The following EPM2A variants were observed in gnomAD, a reference collection of about 807,000 sequenced individuals.
EPM2A encodes laforin.
A neutral mutation model predicts 26.5 loss-of-function variants in EPM2A; 21 were observed. The ratio of observed to expected loss-of-function variants is 0.79; its 90% confidence interval spans 0.56 to 1.14. The LOEUF is 1.14. EPM2A is among the 50% of genes most tolerant of loss of function. The pLI is 0.00. For missense variants in EPM2A, 458 were observed against 440.8 expected (o/e 1.04, Z -0.35); for synonymous variants, 217 against 177.6 (o/e 1.22, Z -1.76).
intron 2 of EPM2A, among the ~76,000 whole-genome samples, chr6:145,659,730 T>C (rs879682067): frequency 6.6e-6 from 1 of 152,202 alleles, no homozygotes; most frequent in East Asian, 1.9e-4. Flanking sequence ...GGTTTATCCA[T>C]GCATAGTGAA....
chr6:145,627,522 A>G lies in EPM2A; in HGVS notation c.890T>C (p.Met297Thr). The G allele has an allele frequency of 6.2e-7, 1 of 1,614,270 alleles. No homozygotes were observed. The highest frequency in any genetic ancestry group is 8.5e-7 in the Non-Finnish European group (1 of 1,180,044). ...AATGTAGACAGCCGGCCTCTTGGCC[A>G]TGAGGAAATACTGCACCTTCCTCAG... ...WNLRKVQYFLMAKRPAVYIDE... is the reference protein window; with the variant it reads ...WNLRKVQYFLTAKRPAVYIDE... Residue 297 changes from methionine (M) to threonine (T), a missense_variant, in exon 4 of 4, where the codon ATG becomes ACG. Coordinates refer to ENST00000367519, the MANE Select transcript of EPM2A (RefSeq NM_005670.4).
intron 4 of EPM2A, among the ~76,000 whole-genome samples, chr6:145,411,527 A>G (rs2114675420): frequency 6.6e-6 from 1 of 152,256 alleles, no homozygotes; most frequent in East Asian, 1.9e-4. Context: ...CATGAAATCA[A>G]TTAAGTTCAG....
intron 4 of EPM2A, among the ~76,000 whole-genome samples, chr6:145,426,583 A>C (rs1252192870): frequency 6.6e-6 from 1 of 152,232 alleles, no homozygotes; most frequent in East Asian, 1.9e-4. Context: ...AATCATGAGG[A>C]AGAGAAATAT....
chr6:145,391,076 G>A (rs1778331123), intron 4 of EPM2A, among the ~76,000 whole-genome samples: 1 of 152,124 alleles, frequency 6.6e-6, no homozygotes, highest in Non-Finnish European at 1.5e-5. Flanking sequence ...CCAGTGGACT[G>A]AACAGATCCT....
At chr6:145,556,630 C>T (rs1780731311) in intron 2 of EPM2A, among the ~76,000 whole-genome samples, 1 of 151,976 alleles carries the variant, frequency 6.6e-6, no homozygotes, top group Non-Finnish European at 1.5e-5. Context: ...GCATTAAGCT[C>T]TATGAAGGAT....
Position 145,712,939 on chromosome 6 carries a change from T to C in EPM2A, c.301+22259A>G, listed in dbSNP as rs563871616. On this transcript the variant is annotated intron_variant, in intron 1 of 3. Transcript: ENST00000367519. Reference sequence around the variant, plus strand: ...TTAATAATGTAAAAACAAGACTGCATTGACATGGTTTAATTTCTAAAACTG... The same window carrying C: ...TTAATAATGTAAAAACAAGACTGCACTGACATGGTTTAATTTCTAAAACTG... Among the ~76,000 whole-genome samples, 9 of 152,326 alleles carry C rather than the reference T, an allele frequency of 5.9e-5. No homozygotes were observed. In the South Asian group the frequency reaches 1.4e-3, roughly 25 times the overall value.
At chr6:145,562,127 G>GTAAAAAAAA (rs755571602) in intron 2 of EPM2A, among the ~76,000 whole-genome samples, 1 of 140,262 alleles carries the variant, frequency 7.1e-6, no homozygotes. Flanking sequence ...ATTACAAAAA[G>GTAAAAAAAA]GAAAAAAAAA....
At chr6:145,422,902 C>T (rs1778807915) in intron 4 of EPM2A, among the ~76,000 whole-genome samples, 1 of 151,892 alleles carries the variant, frequency 6.6e-6, no homozygotes, top group Non-Finnish European at 1.5e-5. Context: ...TTTTTCTAAG[C>T]CATGACTCAC....
chr6:145,675,363 A>G (rs1311445781), intron 2 of EPM2A, among the ~76,000 whole-genome samples: 1 of 152,246 alleles, frequency 6.6e-6, no homozygotes, highest in Non-Finnish European at 1.5e-5. Flanking sequence ...GATGCTATGA[A>G]GAAACTGCAT....
chr6:145,717,583 C>T (rs1225610873), intron 1 of EPM2A, among the ~76,000 whole-genome samples: 4 of 152,192 alleles, frequency 2.6e-5, no homozygotes, highest in Admixed American at 1.3e-4. Flanking sequence ...TCTCTCACCG[C>T]TCCTATTCAA....
intron 3 of EPM2A, 47 bp downstream of exon 3, chr6:145,635,198 G>A (rs1238691324): frequency 1.2e-6 from 2 of 1,609,954 alleles, no homozygotes; most frequent in East Asian, 4.5e-5. Context: ...AGACAGCAAG[G>A]GTTTCTCTGA....
chr6:145,437,815 GT>G (rs2114697561), intron 4 of EPM2A, among the ~76,000 whole-genome samples: 1 of 152,276 alleles, frequency 6.6e-6, no homozygotes, highest in Admixed American at 6.5e-5. Flanking sequence ...GTTCAATTCA[GT>G]CCAGATCTTG....
rs1779146990 is a variant in EPM2A at position 145,447,946 on chromosome 6, A to T, written c.555+54576T>A. Among the ~76,000 whole-genome samples, 7 of 152,234 alleles carry T rather than the reference A, an allele frequency of 4.6e-5. No homozygotes were observed. In the South Asian group the frequency reaches 1.5e-3, roughly 32 times the overall value. ...TATTGTTTTTAAAAATTCTCAAAAG[A>T]CATCAAACTGGTAGGACTTCTTATA... On this transcript the variant is annotated intron_variant, in intron 4 of 4. Transcript: ENST00000638717.
At chr6:145,487,735 A>G (rs1582793075) in intron 4 of EPM2A, among the ~76,000 whole-genome samples, 2 of 152,266 alleles carry the variant, frequency 1.3e-5, no homozygotes, top group African/African-American at 4.8e-5. Flanking sequence ...TCAGATGCAT[A>G]GTTTGCAAAA....
At chr6:145,536,149 ACT>A in intron 2 of EPM2A, among the ~76,000 whole-genome samples, 1 of 151,702 alleles carries the variant, frequency 6.6e-6, no homozygotes, top group East Asian at 1.9e-4. Flanking sequence ...GGAGGGGCTT[ACT>A]CTGTTTTGTT....
At chr6:145,501,778 TATA>T in exon 4 of EPM2A, 1 of 471,080 alleles carries the variant, frequency 2.1e-6, no homozygotes, top group Non-Finnish European at 4.4e-6. Flanking sequence ...TTCTACGAGA[TATA>T]ATAAGGTTAG....
intron 4 of EPM2A, among the ~76,000 whole-genome samples, chr6:145,470,134 C>T (rs1333660455): frequency 6.6e-6 from 1 of 151,780 alleles, no homozygotes; most frequent in Non-Finnish European, 1.5e-5. Flanking sequence ...TGACCATGGT[C>T]AACAATAATT....
chr6:145,607,955 T>C (rs1562400851), intron 2 of EPM2A, among the ~76,000 whole-genome samples: 1 of 152,346 alleles, frequency 6.6e-6, no homozygotes, highest in South Asian at 2.1e-4. Context: ...ACTGCCTTGC[T>C]GTTTCTCTCC....
At chr6:145,607,824 TG>T (rs937104794) in intron 2 of EPM2A, among the ~76,000 whole-genome samples, 7 of 152,200 alleles carry the variant, frequency 4.6e-5, no homozygotes, top group African/African-American at 1.7e-4. Context: ...GCCATGGAAT[TG>T]CCATCCCCAT....
Sources: allele counts gnomAD v4.1 joint callset (sites outside exome capture counted in the v4.1 genomes callset), GRCh38; gene constraint gnomAD v4.1.1; transcripts MANE v1.5; gene names NCBI Gene and HGNC (gene_info 2026-07-23, HGNC 2026-07-21).